GRID2: variants seen among roughly 807,000 people sequenced by gnomAD.
GRID2 encodes the protein glutamate ionotropic receptor delta type subunit 2, also known as glutamate receptor ionotropic, delta-2.
Under a neutral mutation model 114.8 loss-of-function variants are expected in GRID2, and 33 were observed. The ratio of observed to expected loss-of-function variants is 0.29; its 90% CI spans 0.22 to 0.38. The LOEUF (loss-of-function observed/expected upper bound fraction) is 0.38, where lower values mean the gene tolerates loss of function less well. Ranked by LOEUF, GRID2 falls within the 10% of genes least tolerant of loss-of-function variation. GRID2 has a pLI of 1.00. For missense variants in GRID2, 1,184 were observed against 1,257.7 expected (o/e 0.94, Z 0.89); for synonymous variants, 505 against 449.9 (o/e 1.12, Z -1.55).
chr4:92,872,534 A>G (rs1330838575), intron 2 of GRID2, among the ~76,000 whole-genome samples: 1 of 152,216 alleles, frequency 6.6e-6, no homozygotes, highest in East Asian at 1.9e-4. Flanking sequence ...TATTTGGATG[A>G]TTAAAAATAA....
chr4:92,483,143 G>A (rs961578398), intron 1 of GRID2, among the ~76,000 whole-genome samples: 3 of 152,102 alleles, frequency 2.0e-5, no homozygotes, highest in African/African-American at 4.8e-5. Flanking sequence ...TTAGAAACCA[G>A]CCTGGCCAAT....
At chr4:93,679,983 C>T (rs567102650) in intron 14 of GRID2, among the ~76,000 whole-genome samples, 4 of 151,136 alleles carry the variant, frequency 2.6e-5, no homozygotes, top group Admixed American at 2.6e-4. Context: ...ATTAATGAAT[C>T]CAGGAGCTGG....
chr4:92,508,285 A>G (rs1300304141), intron 1 of GRID2, among the ~76,000 whole-genome samples: 3 of 152,046 alleles, frequency 2.0e-5, no homozygotes, highest in Middle Eastern at 3.4e-3. Flanking sequence ...CCTTCTACAT[A>G]CCACTCATAC....
At chr4:93,436,773 A>G (rs1392813666) in intron 10 of GRID2, among the ~76,000 whole-genome samples, 1 of 152,118 alleles carries the variant, frequency 6.6e-6, no homozygotes, top group South Asian at 2.1e-4. Flanking sequence ...TACATGAAGT[A>G]AAAATCAACA....
intron 3 of GRID2, among the ~76,000 whole-genome samples, chr4:93,087,608 A>T (rs1239590316): frequency 2.0e-5 from 3 of 152,134 alleles, no homozygotes; most frequent in Admixed American, 2.0e-4. Flanking sequence ...AGATGGAATA[A>T]TTATGTAATA....
chr4:92,497,352 T>C (rs1175662115), intron 1 of GRID2, among the ~76,000 whole-genome samples: 1 of 151,866 alleles, frequency 6.6e-6, no homozygotes, highest in African/African-American at 2.4e-5. Flanking sequence ...CATCTGTGTG[T>C]ATCCTATTTA....
chr4:93,324,940 A>T (rs1267109681), intron 8 of GRID2, among the ~76,000 whole-genome samples: 2 of 151,062 alleles, frequency 1.3e-5, no homozygotes, highest in African/African-American at 2.4e-5. Context: ...CTTCTTTATT[A>T]GTCTTGCTAG....
chr4:93,356,269 T>A (rs1430580457), intron 8 of GRID2, among the ~76,000 whole-genome samples: 1 of 152,098 alleles, frequency 6.6e-6, no homozygotes, highest in Non-Finnish European at 1.5e-5. Context: ...TATAGAATAC[T>A]TAATATGATT....
At chr4:93,398,356 C>A (rs369220449) in intron 9 of GRID2, among the ~76,000 whole-genome samples, 5 of 151,112 alleles carry the variant, frequency 3.3e-5, no homozygotes, top group African/African-American at 1.2e-4. Context: ...CAGTAAGTAG[C>A]AGAGTTAGGA....
intron 13 of GRID2, among the ~76,000 whole-genome samples, chr4:93,560,222 T>TAAAAAAAAAAAAAAAAAAAAAA (rs70942974): frequency 2.1e-4 from 9 of 42,952 alleles, no homozygotes; most frequent in Middle Eastern, 0.026. Context: ...GAACTTAAAG[T>TAAAAAAAAAAAAAAAAAAAAAA]AAAAAAAAAA....
chr4:92,477,320 G>T (rs1722369362), intron 1 of GRID2, among the ~76,000 whole-genome samples: 2 of 151,914 alleles, frequency 1.3e-5, no homozygotes, highest in South Asian at 4.1e-4. Context: ...GGAGAAAGTT[G>T]CAATCTGAAT....
chr4:93,058,674 G>C (rs185367683), intron 2 of GRID2, among the ~76,000 whole-genome samples: 3 of 151,820 alleles, frequency 2.0e-5, no homozygotes, highest in African/African-American at 7.2e-5. Context: ...TTTTTAAGTT[G>C]AACTAACTTT....
At chr4:92,748,629 A>C (rs1737272458) in intron 2 of GRID2, among the ~76,000 whole-genome samples, 1 of 129,996 alleles carries the variant, frequency 7.7e-6, no homozygotes, top group Non-Finnish European at 1.6e-5. Context: ...ATTTAATTAA[A>C]TTGTATTATT....
At chr4:92,921,148 T>C (rs532684934) in intron 2 of GRID2, among the ~76,000 whole-genome samples, 1 of 152,318 alleles carries the variant, frequency 6.6e-6, no homozygotes, top group Non-Finnish European at 1.5e-5. Flanking sequence ...CGTCGGCTAC[T>C]GAGGCTTGTA....
intron 1 of GRID2, among the ~76,000 whole-genome samples, chr4:92,311,653 G>A (rs1725714139): frequency 6.6e-6 from 1 of 151,648 alleles, no homozygotes; most frequent in Non-Finnish European, 1.5e-5. Flanking sequence ...TTTTTCATAA[G>A]TAAGCTTAAA....
chr4:92,810,061 A>C (rs1740597709), intron 2 of GRID2, among the ~76,000 whole-genome samples: 1 of 152,022 alleles, frequency 6.6e-6, no homozygotes, highest in African/African-American at 2.4e-5. Flanking sequence ...ATATAAGCAT[A>C]ATTTTCATCA....
At chr4:92,419,642 G>A (rs1044092700) in intron 1 of GRID2, among the ~76,000 whole-genome samples, 3 of 152,010 alleles carry the variant, frequency 2.0e-5, no homozygotes, top group Non-Finnish European at 2.9e-5. Context: ...TTAAAGTTGA[G>A]TAAAAGTTAG....
chr4:93,186,089 T>C (rs946153937), intron 4 of GRID2, among the ~76,000 whole-genome samples: 1 of 152,228 alleles, frequency 6.6e-6, no homozygotes, highest in Non-Finnish European at 1.5e-5. Context: ...TCCTTTCTTT[T>C]ATGGCTGCAT....
chr4:93,436,420 TGCCA>T (rs1420390361), intron 10 of GRID2, among the ~76,000 whole-genome samples: 1 of 152,120 alleles, frequency 6.6e-6, no homozygotes, highest in East Asian at 1.9e-4. Context: ...GTGTTCTCAA[TGCCA>T]GGCCTACACC....
Sources: gnomAD v4.1 joint callset for allele counts (sites outside exome capture counted in the v4.1 genomes callset) on GRCh38, gnomAD v4.1.1 for gene constraint, MANE v1.5 for transcripts, NCBI Gene and HGNC (gene_info 2026-07-23, HGNC 2026-07-21) for gene names.